Variants in GLYR1 observed in about 807,000 individuals in gnomAD.
The protein encoded by GLYR1 is cytokine-like nuclear factor N-PAC.
In GLYR1, 21 loss-of-function variants were observed where a neutral mutation model predicts 72.7. That is an observed-to-expected ratio of 0.29 (90% confidence interval 0.20 to 0.42). The LOEUF (loss-of-function observed/expected upper bound fraction) is 0.42. GLYR1 is among the 10% of genes least tolerant of loss of function. The pLI is 1.00. For synonymous variants in GLYR1, 392 were observed against 270.2 expected (o/e 1.45, Z -4.42); for missense variants, 594 against 712.1 (o/e 0.83, Z 1.89).
intron 5 of GLYR1, among the ~76,000 whole-genome samples, chr16:4,825,349 C>G (rs1381918134): frequency 6.6e-6 from 1 of 152,188 alleles, no homozygotes; most frequent in Non-Finnish European, 1.5e-5. Context: ...CTGGCTTTCC[C>G]CCCCGCACCA....
At chr16:4,805,999 A>G (rs190156725) in intron 15 of GLYR1, among the ~76,000 whole-genome samples, 1 of 152,238 alleles carries the variant, frequency 6.6e-6, no homozygotes, top group East Asian at 1.9e-4. Flanking sequence ...AAAAAGAGCA[A>G]AACTGTCTCA....
At chr16:4,844,468 G>T (rs2085814665) in intron 3 of GLYR1, among the ~76,000 whole-genome samples, 1 of 152,218 alleles carries the variant, frequency 6.6e-6, no homozygotes, top group Non-Finnish European at 1.5e-5. Flanking sequence ...AACTGAACAT[G>T]GCTTTTATAA....
chr16:4,814,063 T>A, intron 11 of GLYR1: 1 of 401,040 alleles, frequency 2.5e-6, no homozygotes, highest in Non-Finnish European at 4.4e-6. Context: ...TTCTTTTTAT[T>A]TAAAAAAAAA....
In GLYR1 at chr16:4,822,922, C is replaced by T; in HGVS notation, c.634G>A (p.Asp212Asn). 1 of 1,614,148 alleles carries T rather than the reference C, an allele frequency of 6.2e-7. No individual in the cohort carries two copies. The highest frequency in any genetic ancestry group is 8.5e-7 in the Non-Finnish European group (1 of 1,179,942). ...WQPTASEPVK[D>N]ADPHFHHFLL... Reference sequence around the variant, plus strand: ...AAATGATGGAAATGAGGATCTGCATCTTTAACAGGCTGAAACCAGAAAACA... The same window carrying T: ...AAATGATGGAAATGAGGATCTGCATTTTTAACAGGCTGAAACCAGAAAACA... Residue 212 changes from aspartate to asparagine, a missense_variant, in exon 7 of 16, where the codon GAT becomes AAT. Physicochemically the swap from Asp to Asn is conservative, Grantham distance 23 (BLOSUM62 1). Around this residue, in one of 5 missense-constraint regions of GLYR1, gnomAD observed 252 missense variants for 211.3 expected, o/e 1.19. Transcript: ENST00000321919.
intron 10 of GLYR1, among the ~76,000 whole-genome samples, chr16:4,815,993 TCTC>T (rs200156435): frequency 0.018 from 2,700 of 152,202 alleles, 37 homozygotes; most frequent in Non-Finnish European, 0.028. Flanking sequence ...GAGGTCTCGA[TCTC>T]CTGACCTCGT....
Position 4,829,622 on chromosome 16 carries a change from G to T in GLYR1, c.537+2357C>A, listed in dbSNP as rs553332334. 4.0e-5 allele frequency among the ~76,000 whole-genome samples: 6 copies of T among 151,744 alleles called. No homozygotes were observed. The South Asian group carries it at 1.0e-3, about 26-fold the overall frequency. ...TCATCTCAGCTTTCTGAGTAGGGGG[G>T]ACTACAGGCACACACCACCAACCCC... On this transcript the variant is annotated intron_variant, in intron 5 of 15. Transcript: ENST00000321919.
intron 5 of GLYR1, among the ~76,000 whole-genome samples, 193 bp from the exon 6 acceptor site, chr16:4,824,100 A>C (rs894735053): frequency 6.6e-6 from 1 of 152,214 alleles, no homozygotes; most frequent in African/African-American, 2.4e-5. Flanking sequence ...GAAATAATAA[A>C]ATGTGTACTT....
rs1003060458 is a variant in GLYR1, at chr16:4,804,965, GTGTGT to G, written c.*266_*270del. The G allele has an allele frequency of 1.9e-6, 1 of 538,626 alleles. No homozygotes were observed. The highest frequency in any genetic ancestry group is 1.9e-5 in the African/African-American group (1 of 52,054). The allele number at this position is 538,626 out of a possible 1,614,324, so 33.4% of individuals were successfully genotyped here. On this transcript the variant is annotated 3_prime_UTR_variant, in exon 16 of 16. Transcript: ENST00000321919. ...TGTGTGTGTGTGTGTGTGTGTGTGT[GTGTGT>G]GAACACACAGCCACCTCGTCCGGGG... is the stretch of plus-strand genomic sequence containing the variant.
At chr16:4,818,439 C>A (rs766395044) in intron 9 of GLYR1, among the ~76,000 whole-genome samples, 3 of 152,094 alleles carry the variant, frequency 2.0e-5, no homozygotes, top group Non-Finnish European at 2.9e-5. Context: ...AGACTACAGG[C>A]ATCTGTCAGC....
rs560666211 is a variant in GLYR1, at chr16:4,803,569, C to G, written c.*1667G>C. ...CTAACCGGTTTCATTACCGCATCTTCCCCCGCCCCCACCCCCAGTGTGTTC... is the reference window on the plus strand; with the variant it reads ...CTAACCGGTTTCATTACCGCATCTTGCCCCGCCCCCACCCCCAGTGTGTTC... On this transcript the variant is annotated 3_prime_UTR_variant, in exon 16 of 16. Transcript: ENST00000321919. 53 of 152,270 alleles carry G rather than the reference C, an allele frequency of 3.5e-4. No homozygotes were observed. The highest frequency in any genetic ancestry group is 1.2e-3 in the African/African-American group (50 of 41,382). 9.4% of individuals were successfully genotyped at this position (152,270 alleles called of 1,614,324 possible).
intron 3 of GLYR1, among the ~76,000 whole-genome samples, chr16:4,837,489 T>G (rs557080033): frequency 1.3e-5 from 2 of 151,784 alleles, no homozygotes; most frequent in African/African-American, 4.8e-5. Flanking sequence ...TGTCAGCCTA[T>G]GACTAATCTT....
intron 9 of GLYR1, 121 bp downstream of exon 9, chr16:4,821,259 C>T: frequency 1.0e-6 from 1 of 967,786 alleles, no homozygotes; most frequent in African/African-American, 1.6e-5. Context: ...ATCCCCCCAC[C>T]TTTTCCATTC....
intron 1 of GLYR1, among the ~76,000 whole-genome samples, 160 bp from the exon 2 acceptor site, chr16:4,846,370 G>A (rs1596446272): frequency 6.6e-6 from 1 of 152,158 alleles, no homozygotes; most frequent in African/African-American, 2.4e-5. Context: ...GAAGTAAAAT[G>A]CAAAATTGTA....
intron 15 of GLYR1, among the ~76,000 whole-genome samples, chr16:4,806,359 CT>C (rs920747571): frequency 4.1e-4 from 60 of 146,744 alleles, no homozygotes; most frequent in Middle Eastern, 3.5e-3. Flanking sequence ...GATTAACTGT[CT>C]TTTTTTTTTT....
intron 3 of GLYR1, chr16:4,839,722 G>C (rs2142039757): frequency 6.6e-6 from 1 of 152,318 alleles, no homozygotes; most frequent in Admixed American, 6.5e-5. Context: ...TATTTTGGCA[G>C]AGATGTGGAG....
chr16:4,804,970 T>TGTGTGTGTGA lies in GLYR1; in HGVS notation c.*265_*266insTCACACACAC, dbSNP rs1567624263. ...GTGTGTGTGTGTGTGTGTGTGTGTG[T>TGTGTGTGTGA]GAACACACAGCCACCTCGTCCGGGG... On this transcript the variant is annotated 3_prime_UTR_variant, in exon 16 of 16. Coordinates refer to ENST00000321919, the MANE Select transcript of GLYR1 (RefSeq NM_032569.4). The TGTGTGTGTGA allele has an allele frequency of 1.9e-6, 1 of 526,158 alleles. No homozygotes were observed. Among genetic ancestry groups the TGTGTGTGTGA allele is most frequent in the Non-Finnish European group, 3.5e-6 (1 of 288,816 alleles). 32.6% of individuals were successfully genotyped at this position (526,158 alleles called of 1,614,324 possible). A position where few individuals can be genotyped will look rare whatever the true frequency, so the allele number is the denominator to read the frequency against.
chr16:4,824,593 T>C (rs1422625059), intron 5 of GLYR1, among the ~76,000 whole-genome samples: 1 of 151,892 alleles, frequency 6.6e-6, no homozygotes, highest in Admixed American at 6.6e-5. Context: ...ATGGGGCTGA[T>C]GAGATCTGCC....
chr16:4,813,721 C>T lies in GLYR1; in HGVS notation c.1119+16G>A. On this transcript the variant is annotated intron_variant, in intron 12 of 15. Transcript: ENST00000321919. ...TAGAAAAGATGCTGGAGAGCCAGCC[C>T]AAGGAAGGCTGCTACCTGGGCCAGC... 1 of 1,575,350 alleles carries T rather than the reference C, an allele frequency of 6.3e-7. No individual in the cohort carries two copies.
At chr16:4,838,273 T>C (rs931312563) in intron 3 of GLYR1, among the ~76,000 whole-genome samples, 3 of 152,208 alleles carry the variant, frequency 2.0e-5, no homozygotes, top group African/African-American at 7.2e-5. Flanking sequence ...CTTTCAGTAC[T>C]GACTCAGACA....
Sources: allele counts gnomAD v4.1 joint callset (sites outside exome capture counted in the v4.1 genomes callset), GRCh38; gene constraint gnomAD v4.1.1; regional missense constraint gnomAD v4.1.1; transcripts MANE v1.5; gene names NCBI Gene and HGNC (gene_info 2026-07-23, HGNC 2026-07-21).